Variants in FRRS1 observed in about 807,000 individuals in gnomAD.
FRRS1 encodes ferric reductase 1.
A neutral mutation model predicts 70.7 loss-of-function variants in FRRS1; 51 were observed. The observed-to-expected ratio is 0.72, with a 90% confidence interval of 0.58 to 0.91. FRRS1 has a LOEUF of 0.91. Among genes scored for constraint, FRRS1 ranks in the 40% least tolerant of loss-of-function variants. The pLI is 0.00. For synonymous variants in FRRS1, 225 were observed against 238.7 expected, an observed-to-expected ratio of 0.94 and a Z score of 0.53; for missense variants, 672 against 726.0, an observed-to-expected ratio of 0.93 and a Z score of 0.86.
intron 4 of FRRS1, among the ~76,000 whole-genome samples, chr1:99,746,142 T>C (rs562623434): frequency 6.6e-6 from 1 of 152,246 alleles, no homozygotes; most frequent in South Asian, 2.1e-4. Flanking sequence ...ATGCCCCTGC[T>C]ACCCAGAACC....
At chr1:99,725,667 C>T (rs761236906) in intron 9 of FRRS1, among the ~76,000 whole-genome samples, 40 of 152,146 alleles carry the variant, frequency 2.6e-4, no homozygotes, top group African/African-American at 8.9e-4. Flanking sequence ...CAACATCAGC[C>T]GGCAAGGGAG....
At chr1:99,753,804 C>T (rs908036537) in intron 1 of FRRS1, among the ~76,000 whole-genome samples, 2 of 151,992 alleles carry the variant, frequency 1.3e-5, no homozygotes, top group African/African-American at 4.8e-5. Context: ...TCACTAATCA[C>T]TTTAAATGTC....
At chr1:99,711,540 A>T (rs1306950314) in intron 14 of FRRS1, 1 of 153,098 alleles carries the variant, frequency 6.5e-6, no homozygotes, top group Non-Finnish European at 1.5e-5. Flanking sequence ...AGTCTGCAAT[A>T]TATGAAAGGA....
At chr1:99,731,579 GT>G (rs1400457180) in intron 7 of FRRS1, among the ~76,000 whole-genome samples, 1 of 152,158 alleles carries the variant, frequency 6.6e-6, no homozygotes. Flanking sequence ...ATAGCTCATA[GT>G]TTAAGAATGA....
At chr1:99,714,253 A>T (rs1407220941) in intron 12 of FRRS1, among the ~76,000 whole-genome samples, 1 of 149,670 alleles carries the variant, frequency 6.7e-6, no homozygotes, top group East Asian at 2.0e-4. Context: ...GTGCGATCTC[A>T]GCTCACTGCA....
At chr1:99,713,372 A>G (rs1654366953) in intron 12 of FRRS1, among the ~76,000 whole-genome samples, 1 of 152,242 alleles carries the variant, frequency 6.6e-6, no homozygotes, top group Non-Finnish European at 1.5e-5. Flanking sequence ...CAATTACAAA[A>G]TAAGTGTTAC....
At chr1:99,721,471 A>T (rs1275931995) in intron 9 of FRRS1, among the ~76,000 whole-genome samples, 1 of 152,162 alleles carries the variant, frequency 6.6e-6, no homozygotes, top group African/African-American at 2.4e-5. Flanking sequence ...ACTGTATACA[A>T]CTTTAAATCA....
intron 7 of FRRS1, among the ~76,000 whole-genome samples, chr1:99,734,344 G>T (rs532150519): frequency 2.0e-5 from 3 of 152,232 alleles, no homozygotes; most frequent in African/African-American, 7.2e-5. Flanking sequence ...GTTCTTAGAA[G>T]ACACATGTTG....
At chr1:99,730,348 A>C (rs1004593477) in intron 7 of FRRS1, among the ~76,000 whole-genome samples, 1 of 152,180 alleles carries the variant, frequency 6.6e-6, no homozygotes, top group Non-Finnish European at 1.5e-5. Flanking sequence ...CTCAAGGAGG[A>C]ATTAGTCAAA....
At chr1:99,761,758 T>A (rs1015459720) in intron 1 of FRRS1, among the ~76,000 whole-genome samples, 4 of 151,998 alleles carry the variant, frequency 2.6e-5, no homozygotes, top group African/African-American at 7.2e-5. Context: ...TTGTTTTTAC[T>A]GGTATGGAAA....
chr1:99,727,613 G>C (rs1458762214), intron 9 of FRRS1, among the ~76,000 whole-genome samples: 1 of 152,180 alleles, frequency 6.6e-6, no homozygotes, highest in Non-Finnish European at 1.5e-5. Flanking sequence ...CAATTTGCCT[G>C]TATCACATTT....
At chr1:99,743,115 T>A (rs1000050906) in intron 4 of FRRS1, among the ~76,000 whole-genome samples, 2 of 152,220 alleles carry the variant, frequency 1.3e-5, no homozygotes, top group Non-Finnish European at 2.9e-5. Flanking sequence ...TCACAAGCTA[T>A]AAATTCTTCA....
rs1162432326 is a variant in FRRS1, at chr1:99,752,130, C to T, written c.-105-3129G>A. 2.0e-5 allele frequency among the ~76,000 whole-genome samples: 3 copies of T among 152,160 alleles called. No individual in the cohort carries two copies. In the East Asian group the frequency reaches 5.8e-4, roughly 29 times the overall value. On this transcript the variant is annotated intron_variant, in intron 1 of 16. Coordinates refer to ENST00000646001, the MANE Select transcript of FRRS1 (RefSeq NM_001361041.2). Reference sequence around the variant, plus strand: ...TTGGTTTGATCTTCTATCCAGACCACTAAAACTTTCTCCATATCAACAATA... The same window carrying T: ...TTGGTTTGATCTTCTATCCAGACCATTAAAACTTTCTCCATATCAACAATA...
intron 14 of FRRS1, 111 bp downstream of exon 14, chr1:99,711,994 A>C (rs905036812): frequency 5.7e-6 from 4 of 703,090 alleles, no homozygotes; most frequent in Non-Finnish European, 9.9e-6. Context: ...TCTTCTCAAC[A>C]ACCAATTACT....
Position 99,706,964 on chromosome 1 carries a change from G to A in FRRS1, c.*2064C>T, listed in dbSNP as rs1013062690. On this transcript the variant is annotated 3_prime_UTR_variant, in exon 17 of 17. Transcript: ENST00000646001. ...TTAAGAGAAATTTATTAACATTTAA[G>A]CTCCTTAGTATAGAAAACTGGAGGA... is the stretch of plus-strand genomic sequence containing the variant. Among the ~76,000 whole-genome samples the A allele has an allele frequency of 2.0e-5, 3 of 151,938 alleles. No individual in the cohort carries two copies. Among genetic ancestry groups the A allele is most frequent in the African/African-American group, 4.8e-5 (2 of 41,448 alleles).
intron 1 of FRRS1, among the ~76,000 whole-genome samples, chr1:99,754,282 A>G (rs2100993402): frequency 6.6e-6 from 1 of 152,360 alleles, no homozygotes; most frequent in Non-Finnish European, 1.5e-5. Context: ...CCTAGGCAAC[A>G]TAATGAGACT....
intron 6 of FRRS1, among the ~76,000 whole-genome samples, chr1:99,739,694 A>G (rs547892577): frequency 2.0e-5 from 3 of 152,358 alleles, no homozygotes; most frequent in Non-Finnish European, 4.4e-5. Flanking sequence ...ACAGTTATAG[A>G]AAACTTACAT....
At chr1:99,730,822 G>C (rs868114866) in intron 7 of FRRS1, among the ~76,000 whole-genome samples, 2 of 147,504 alleles carry the variant, frequency 1.4e-5, no homozygotes, top group African/African-American at 5.1e-5. Context: ...AGCCGAGATC[G>C]CGCCACTGCA....
chr1:99,742,337 T>C (rs989178752), intron 4 of FRRS1, 64 bp from the exon 5 acceptor site: 1 of 994,970 alleles, frequency 1.0e-6, no homozygotes, highest in Non-Finnish European at 1.6e-6. Flanking sequence ...CTGGAACTTC[T>C]ATCATTTTGC....
Sources: gnomAD v4.1 joint callset for allele counts (sites outside exome capture counted in the v4.1 genomes callset) on GRCh38, gnomAD v4.1.1 for gene constraint, MANE v1.5 for transcripts, NCBI Gene and HGNC (gene_info 2026-07-23, HGNC 2026-07-21) for gene names.